IL20RA: variants seen among roughly 807,000 people sequenced by gnomAD.
IL20RA encodes interleukin-20 receptor subunit alpha.
In IL20RA, 29 loss-of-function variants were observed where a neutral mutation model predicts 36.5. The ratio of observed to expected loss-of-function variants is 0.79; its 90% CI spans 0.59 to 1.08. The LOEUF (loss-of-function observed/expected upper bound fraction) is 1.08, where lower values mean the gene tolerates loss of function less well. Ranked by LOEUF, IL20RA falls within the 50% of genes least tolerant of loss-of-function variation. The probability of loss-of-function intolerance (pLI) is 0.00; values close to 1 mark genes in which losing one functional copy is unlikely to be tolerated. For missense variants in IL20RA, 652 were observed against 668.4 expected (o/e 0.98, Z 0.27); for synonymous variants, 279 against 267.1 (o/e 1.04, Z -0.43).
chr6:137,023,226 A>G (rs1744080), intron 1 of IL20RA, among the ~76,000 whole-genome samples: 124,221 of 151,452 alleles, frequency 0.82, 56,298 homozygotes, highest in East Asian at 1. Context: ...CACAGAACCC[A>G]TAAATACACA....
At chr6:137,028,622 C>A (rs1215352872) in intron 1 of IL20RA, among the ~76,000 whole-genome samples, 1 of 152,032 alleles carries the variant, frequency 6.6e-6, no homozygotes, top group African/African-American at 2.4e-5. Flanking sequence ...TGTGCTTAAA[C>A]ATGTTTTTTT....
chr6:137,006,168 A>C (rs983218669), intron 5 of IL20RA, among the ~76,000 whole-genome samples: 1 of 152,240 alleles, frequency 6.6e-6, no homozygotes, highest in Non-Finnish European at 1.5e-5. Flanking sequence ...AAGAGAAAGC[A>C]GCAAAGTCAC....
chr6:137,019,847 G>A (rs767873299), intron 1 of IL20RA, among the ~76,000 whole-genome samples: 1 of 152,164 alleles, frequency 6.6e-6, no homozygotes, highest in Admixed American at 6.5e-5. Context: ...CATTATAAAT[G>A]CTGTGAACTA....
rs1775353871 is a variant in IL20RA at position 137,008,596 on chromosome 6, T to C, written c.724+3A>G. Reference sequence around the variant, plus strand: ...AGACCAGCAAAGATTTTTTAAAGCTTACCTTTCAAAGTCCTGGCACACTGC... The same window carrying C: ...AGACCAGCAAAGATTTTTTAAAGCTCACCTTTCAAAGTCCTGGCACACTGC... On this transcript the variant is annotated splice_donor_region_variant and intron_variant, in intron 5 of 6. Coordinates refer to ENST00000316649, the MANE Select transcript of IL20RA (RefSeq NM_014432.4). The C allele has an allele frequency of 6.3e-7, 1 of 1,584,160 alleles. No individual in the cohort carries two copies. Among genetic ancestry groups the C allele is most frequent in the African/African-American group, 1.4e-5 (1 of 73,614 alleles).
At position 137,008,618 on chromosome 6, in the gene IL20RA, C is replaced by A. The variant is rs748789284; in HGVS notation, c.705G>T (p.Gln235His). The A allele has an allele frequency of 4.4e-6, 7 of 1,602,128 alleles. No individual in the cohort carries two copies. In the South Asian group the frequency reaches 6.8e-5, roughly 16 times the overall value. ...GCTTACCTTTCAAAGTCCTGGCACACTGCTTCTCAGAAGGCTGAGCACGGC... is the reference window on the plus strand; with the variant it reads ...GCTTACCTTTCAAAGTCCTGGCACAATGCTTCTCAGAAGGCTGAGCACGGC... ...PPRRAQPSEKQCARTLKDQSS... is the reference protein window; with the variant it reads ...PPRRAQPSEKHCARTLKDQSS... Residue 235 changes from glutamine (Q) to histidine (H), a missense_variant, in exon 5 of 7, where the codon CAG becomes CAT. Coordinates refer to ENST00000316649, the MANE Select transcript of IL20RA (RefSeq NM_014432.4).
chr6:137,004,174 T>TGTTTTTTTTTTTGTTTTTTTTTTTG (rs548602821), intron 6 of IL20RA, among the ~76,000 whole-genome samples: 5 of 124,492 alleles, frequency 4.0e-5, no homozygotes, highest in Admixed American at 8.3e-5. Context: ...TTTTTTTTTT[T>TGTTTTTTTTTTTGTTTTTTTTTTTG]TTTTTTTTTT....
At chr6:137,026,892 T>C (rs538790178) in intron 1 of IL20RA, among the ~76,000 whole-genome samples, 1 of 152,218 alleles carries the variant, frequency 6.6e-6, no homozygotes, top group Non-Finnish European at 1.5e-5. Context: ...GTCTTCTTTT[T>C]TTTTTTGAGA....
chr6:137,033,587 T>C (rs1776374207), intron 1 of IL20RA, among the ~76,000 whole-genome samples: 1 of 152,214 alleles, frequency 6.6e-6, no homozygotes, highest in East Asian at 1.9e-4. Context: ...TGCTCTCTCT[T>C]GTTTCTGCCC....
chr6:137,019,550 T>C (rs138017672), intron 1 of IL20RA, among the ~76,000 whole-genome samples: 24 of 152,340 alleles, frequency 1.6e-4, no homozygotes, highest in African/African-American at 5.8e-4. Context: ...TTTATTTTAA[T>C]TTAGTTTTTT....
chr6:137,013,241 C>T (rs1202602094), intron 2 of IL20RA, among the ~76,000 whole-genome samples: 9 of 152,160 alleles, frequency 5.9e-5, no homozygotes, highest in Admixed American at 5.9e-4. Flanking sequence ...ATTGCCATTG[C>T]CTATGTGGCC....
chr6:137,033,619 C>T (rs1210761167), intron 1 of IL20RA, among the ~76,000 whole-genome samples: 1 of 152,180 alleles, frequency 6.6e-6, no homozygotes, highest in Admixed American at 6.5e-5. Flanking sequence ...CATGCTTGCT[C>T]CCCTTCCGCC....
intron 5 of IL20RA, among the ~76,000 whole-genome samples, chr6:137,008,353 A>G (rs1775345482): frequency 6.6e-6 from 1 of 152,252 alleles, no homozygotes; most frequent in African/African-American, 2.4e-5. Context: ...CCATGGAAAG[A>G]AGCTGGCAGT....
chr6:137,002,298 C>T lies in IL20RA; in HGVS notation c.922G>A (p.Val308Met), dbSNP rs1428523572. The change falls in exon 7 of 7, where the codon GTG becomes ATG. Residue 308 changes from valine (V) to methionine (M), a missense_variant. Transcript: ENST00000316649. The stretch of plus-strand genomic sequence containing the variant: ...ATATTGAGGGTGATAAAGTTAATCA[C>T]GATTTTTTCAGCAGGCACAAAGAAT... ...KRFFVPAEKI[V>M]INFITLNISD... 13 of 1,608,424 alleles carry T rather than the reference C, an allele frequency of 8.1e-6. No individual in the cohort carries two copies. The South Asian group carries it at 1.0e-4, about 12-fold the overall frequency.
chr6:137,037,323 G>A (rs1776524617), intron 1 of IL20RA, among the ~76,000 whole-genome samples: 1 of 152,120 alleles, frequency 6.6e-6, no homozygotes, highest in Non-Finnish European at 1.5e-5. Flanking sequence ...ATTTCGTATA[G>A]ATAATATTTA....
chr6:137,006,349 G>A (rs1775279143), intron 5 of IL20RA, among the ~76,000 whole-genome samples: 2 of 152,156 alleles, frequency 1.3e-5, no homozygotes, highest in Admixed American at 1.3e-4. Context: ...GCTGTGATGC[G>A]GATGCTGCGG....
intron 1 of IL20RA, among the ~76,000 whole-genome samples, chr6:137,029,506 C>CTAAAATAAAA (rs145954642): frequency 8.6e-5 from 13 of 151,810 alleles, no homozygotes; most frequent in African/African-American, 2.9e-4. Flanking sequence ...GACTGTGTCT[C>CTAAAATAAAA]TAAAATAAAA....
chr6:137,006,093 C>T (rs1221418613), intron 5 of IL20RA, among the ~76,000 whole-genome samples: 2 of 152,144 alleles, frequency 1.3e-5, no homozygotes, highest in Non-Finnish European at 2.9e-5. Context: ...CTAACAAAAC[C>T]AGCAGGAGTG....
intron 6 of IL20RA, 105 bp from the exon 7 acceptor site, chr6:137,002,460 T>C: frequency 2.8e-6 from 2 of 703,050 alleles, no homozygotes. Flanking sequence ...AAAGACCTAC[T>C]CTTACCAACT....
intron 1 of IL20RA, among the ~76,000 whole-genome samples, chr6:137,018,364 G>A (rs1304651785): frequency 6.6e-6 from 1 of 152,170 alleles, no homozygotes; most frequent in African/African-American, 2.4e-5. Context: ...AGCAAAATTA[G>A]CTCTTTAGTG....
Sources: allele counts gnomAD v4.1 joint callset (sites outside exome capture counted in the v4.1 genomes callset), GRCh38; gene constraint gnomAD v4.1.1; transcripts MANE v1.5; gene names NCBI Gene and HGNC (gene_info 2026-07-23, HGNC 2026-07-21).